TLN2: variants seen among roughly 807,000 people sequenced by gnomAD.
The protein encoded by TLN2 is talin-2.
In TLN2, 118 loss-of-function variants were observed where a neutral mutation model predicts 294.7. The observed-to-expected ratio is 0.40, with a 90% CI of 0.34 to 0.47. The LOEUF (loss-of-function observed/expected upper bound fraction) is 0.47, where lower values mean the gene tolerates loss of function less well. Ranked by LOEUF, TLN2 falls within the 20% of genes least tolerant of loss-of-function variation. The pLI, the probability that TLN2 is intolerant of heterozygous loss-of-function variation, is 0.84. For missense variants in TLN2, 3,083 were observed against 3,282.2 expected (o/e 0.94, Z 1.48); for synonymous variants, 1,431 against 1,304.5 (o/e 1.10, Z -2.09).
At chr15:62,555,047 T>G (rs903986702) in intron 1 of TLN2, among the ~76,000 whole-genome samples, 13 of 152,010 alleles carry the variant, frequency 8.6e-5, no homozygotes, top group African/African-American at 3.1e-4. Flanking sequence ...TTCTTCCCTG[T>G]GATATTCTTA....
intron 54 of TLN2, among the ~76,000 whole-genome samples, chr15:62,826,837 A>G (rs2068252018): frequency 6.6e-6 from 1 of 152,198 alleles, no homozygotes; most frequent in Admixed American, 6.5e-5. Context: ...AGGACATTTA[A>G]ATTAAATGCA....
intron 1 of TLN2, among the ~76,000 whole-genome samples, chr15:62,556,975 T>C (rs958838812): frequency 3.9e-5 from 6 of 152,222 alleles, no homozygotes; most frequent in African/African-American, 1.4e-4. Context: ...GGCAGTGATA[T>C]GAGATGTGCC....
intron 1 of TLN2, among the ~76,000 whole-genome samples, chr15:62,426,893 C>T (rs1234086124): frequency 6.6e-6 from 1 of 152,124 alleles, no homozygotes; most frequent in African/African-American, 2.4e-5. Context: ...GTTAAAATGG[C>T]AGATTCTTTT....
chr15:62,702,652 A>G, intron 18 of TLN2, 114 bp from the exon 19 acceptor site: 1 of 984,058 alleles, frequency 1.0e-6, no homozygotes, highest in Admixed American at 2.0e-5. Context: ...TGAGATTCTC[A>G]CTGTCAGACA....
At chr15:62,640,512 GC>G (rs1157302344) in intron 3 of TLN2, 2 of 372,928 alleles carry the variant, frequency 5.4e-6, no homozygotes, top group East Asian at 7.2e-5. Flanking sequence ...CCCCCATTGT[GC>G]CCCCCTAAGT....
chr15:62,777,007 CTCT>C, intron 43 of TLN2, 97 bp downstream of exon 43: 1 of 1,166,576 alleles, frequency 8.6e-7, no homozygotes, highest in South Asian at 3.6e-5. Flanking sequence ...AGCAACAAGC[CTCT>C]TCTTTTCTTG....
intron 24 of TLN2, 138 bp downstream of exon 24, chr15:62,717,827 G>A (rs2059881048): frequency 1.8e-6 from 1 of 555,756 alleles, no homozygotes; most frequent in Admixed American, 3.9e-5. Flanking sequence ...CATGTTCCAG[G>A]TGTCTACACG....
chr15:62,685,099 G>A (rs2057166858), intron 11 of TLN2, among the ~76,000 whole-genome samples: 1 of 151,764 alleles, frequency 6.6e-6, no homozygotes, highest in Admixed American at 6.6e-5. Context: ...GGAAAAGCAT[G>A]AAAAAATAAT....
rs544175554 is a variant in TLN2 at position 62,737,235 on chromosome 15, A to G, written c.3567+149A>G. 1.3e-4 allele frequency: 98 copies of G among 775,828 alleles called. No individual in the cohort carries two copies. In the African/African-American group the frequency reaches 1.6e-3, roughly 12 times the overall value. 48.1% of individuals were successfully genotyped at this position (775,828 alleles called of 1,614,324 possible). On this transcript the variant is annotated intron_variant, in intron 29 of 58. Coordinates refer to ENST00000636159, the MANE Select transcript of TLN2 (RefSeq NM_015059.3). Reference sequence around the variant, plus strand: ...TCCAAAGGTCATAACGATGCTGGCCATACATGATACTCACTTTTGTAAGTC... The same window carrying G: ...TCCAAAGGTCATAACGATGCTGGCCGTACATGATACTCACTTTTGTAAGTC...
intron 31 of TLN2, among the ~76,000 whole-genome samples, chr15:62,739,808 T>G (rs1181884059): frequency 6.6e-6 from 1 of 152,198 alleles, no homozygotes; most frequent in Admixed American, 6.5e-5. Context: ...TCTTACTATT[T>G]GGAGGGAGGG....
chr15:62,724,399 A>G (rs1384813466), intron 26 of TLN2, among the ~76,000 whole-genome samples: 1 of 152,236 alleles, frequency 6.6e-6, no homozygotes, highest in African/African-American at 2.4e-5. Flanking sequence ...GCATGTGTAT[A>G]TTGAGGGATG....
chr15:62,517,366 G>A (rs1333037754), intron 1 of TLN2, among the ~76,000 whole-genome samples: 1 of 152,174 alleles, frequency 6.6e-6, no homozygotes, highest in Non-Finnish European at 1.5e-5. Flanking sequence ...AAAATGGGAT[G>A]TTTCATGTTT....
intron 3 of TLN2, among the ~76,000 whole-genome samples, chr15:62,643,527 T>C (rs145149235): frequency 1.3e-5 from 2 of 151,454 alleles, no homozygotes; most frequent in Non-Finnish European, 2.9e-5. Context: ...TCATAGTGAA[T>C]GTAGTATTTC....
Position 62,843,681 on chromosome 15 carries a change from C to T in TLN2, c.*3071C>T, listed in dbSNP as rs2070928962. 1 of 152,190 alleles carries T rather than the reference C, an allele frequency of 6.6e-6. No individual in the cohort carries two copies. The highest frequency in any genetic ancestry group is 2.1e-4 in the South Asian group (1 of 4,824). The allele number at this position is 152,190 out of a possible 1,614,324, so 9.4% of individuals were successfully genotyped here. A position where few individuals can be genotyped will look rare whatever the true frequency, so the allele number is the denominator to read the frequency against. On this transcript the variant is annotated 3_prime_UTR_variant, in exon 59 of 59. Coordinates refer to ENST00000636159, the MANE Select transcript of TLN2 (RefSeq NM_015059.3). The stretch of plus-strand genomic sequence containing the variant: ...TCAGTGTGTTTACAGGCAACTAAAG[C>T]CTGTTCCTAATTTATCAAAAAATTA...
At chr15:62,513,476 T>C (rs533364870) in intron 1 of TLN2, among the ~76,000 whole-genome samples, 2 of 152,340 alleles carry the variant, frequency 1.3e-5, no homozygotes, top group Admixed American at 6.5e-5. Context: ...AAATGTTGGA[T>C]TTCCTTCCTG....
intron 1 of TLN2, among the ~76,000 whole-genome samples, chr15:62,586,879 G>T (rs1322383357): frequency 6.6e-6 from 1 of 152,192 alleles, no homozygotes; most frequent in Non-Finnish European, 1.5e-5. Context: ...AGTTACTTTA[G>T]CTGTAGTACA....
chr15:62,826,170 T>C (rs981561221), intron 54 of TLN2, among the ~76,000 whole-genome samples: 1 of 152,010 alleles, frequency 6.6e-6, no homozygotes, highest in African/African-American at 2.4e-5. Flanking sequence ...AGAACCCTGT[T>C]ATCTTTTGTC....
chr15:62,534,368 G>C (rs760500787), intron 1 of TLN2, among the ~76,000 whole-genome samples: 3 of 152,206 alleles, frequency 2.0e-5, no homozygotes, highest in Non-Finnish European at 2.9e-5. Context: ...TATGCTGGGG[G>C]TTCCCATGAC....
chr15:62,493,911 G>A (rs1301560683), intron 1 of TLN2, among the ~76,000 whole-genome samples: 2 of 152,028 alleles, frequency 1.3e-5, no homozygotes, highest in South Asian at 2.1e-4. Context: ...ATGCCTGGCC[G>A]AGGTTGCCTC....
Sources: gnomAD v4.1 joint callset for allele counts (sites outside exome capture counted in the v4.1 genomes callset) on GRCh38, gnomAD v4.1.1 for gene constraint, MANE v1.5 for transcripts, NCBI Gene and HGNC (gene_info 2026-07-23, HGNC 2026-07-21) for gene names.